The following STS variants were observed in gnomAD, a reference collection of about 807,000 sequenced individuals.
The protein encoded by STS is steryl-sulfatase.
In STS, 7 loss-of-function variants were observed where a neutral mutation model predicts 26.8. The observed-to-expected ratio is 0.26, with a 90% CI of 0.15 to 0.49. The LOEUF is 0.49. Ranked by LOEUF, STS falls within the 20% of genes least tolerant of loss-of-function variation. The pLI is 0.98. For synonymous variants in STS, 199 were observed against 189.4 expected, an observed-to-expected ratio of 1.05 and a Z score of -0.42; for missense variants, 434 against 465.6, an observed-to-expected ratio of 0.93 and a Z score of 0.63.
chrX:7,173,246 A>ATGTCCCT (rs1933502025), intron 1 of STS, among the ~76,000 whole-genome samples: 1 of 111,520 alleles, frequency 9.0e-6, no homozygotes, highest in South Asian at 3.8e-4. Context: ...ACTCTCATCC[A>ATGTCCCT]TGTCCCTGCA....
chrX:7,295,562 A>G (rs1194736400), intron 7 of STS, among the ~76,000 whole-genome samples: 1 of 111,253 alleles, frequency 9.0e-6, no homozygotes, highest in Non-Finnish European at 1.9e-5. Flanking sequence ...AAAACTAAGC[A>G]GATATTTGCA....
At chrX:7,211,818 C>A (rs1171220871) in intron 2 of STS, among the ~76,000 whole-genome samples, 1 of 111,817 alleles carries the variant, frequency 8.9e-6, no homozygotes, top group Non-Finnish European at 1.9e-5. Flanking sequence ...GCCTATCTTT[C>A]TTTATTTTTT....
rs957111882 is a variant in STS, at chrX:7,148,100, G to T, written c.-134+17G>T. 8.8e-6 allele frequency: 10 copies of T among 1,131,077 alleles called. No homozygotes were observed. The African/African-American group carries it at 1.7e-4, about 19-fold the overall frequency. The allele number at this position is 1,131,077 out of a possible 1,213,427, so 93.2% of individuals were successfully genotyped here. A position where few individuals can be genotyped will look rare whatever the true frequency, so the allele number is the denominator to read the frequency against. ...AAAGATGAGGTGGGTGACGGGCTGCGGGGGCGCCGCCATGGTGGCGCCTTC... is the reference window on the plus strand; with the variant it reads ...AAAGATGAGGTGGGTGACGGGCTGCTGGGGCGCCGCCATGGTGGCGCCTTC... On this transcript the variant is annotated intron_variant, in intron 1 of 10. Transcript: ENST00000674429.
intron 2 of STS, among the ~76,000 whole-genome samples, chrX:7,194,414 C>G (rs1364437102): frequency 1.8e-5 from 2 of 111,684 alleles, no homozygotes; most frequent in Non-Finnish European, 3.8e-5. Flanking sequence ...TGACCACCAG[C>G]TACATGACTC....
At chrX:7,306,872 A>T (rs1926241207) in intron 8 of STS, among the ~76,000 whole-genome samples, 1 of 112,136 alleles carries the variant, frequency 8.9e-6, no homozygotes, top group Admixed American at 9.4e-5. Context: ...AACTGCAAGG[A>T]GCTCAGTAAG....
At chrX:7,279,446 G>A (rs1924749719) in intron 7 of STS, among the ~76,000 whole-genome samples, 1 of 99,888 alleles carries the variant, frequency 1.0e-5, no homozygotes, top group South Asian at 5.0e-4. Context: ...TGTGTATGAT[G>A]GGGGCTTGGA....
chrX:7,328,013 T>C (rs1426729705), intron 9 of STS, among the ~76,000 whole-genome samples: 2 of 111,913 alleles, frequency 1.8e-5, no homozygotes, highest in Non-Finnish European at 3.8e-5. Context: ...CAAACTATTC[T>C]TTTTTAACAC....
At chrX:7,322,574 T>C (rs753303383) in intron 8 of STS, among the ~76,000 whole-genome samples, 7 of 111,967 alleles carry the variant, frequency 6.3e-5, no homozygotes, top group South Asian at 3.8e-4. Flanking sequence ...CTAATTTTTG[T>C]ATTTTTAGTA....
At chrX:7,215,643 G>A (rs777429245) in intron 2 of STS, among the ~76,000 whole-genome samples, 1 of 111,353 alleles carries the variant, frequency 9.0e-6, no homozygotes, top group Non-Finnish European at 1.9e-5. Flanking sequence ...TGCCTTTTCT[G>A]TTGTCCTGGT....
chrX:7,199,606 T>C (rs1934032073), intron 2 of STS, among the ~76,000 whole-genome samples: 1 of 111,568 alleles, frequency 9.0e-6, no homozygotes, highest in African/African-American at 3.3e-5. Flanking sequence ...CTTTGCTGTA[T>C]GTTTGTGTGA....
intron 8 of STS, 149 bp from the exon 9 acceptor site, chrX:7,325,190 A>G (rs1239139787): frequency 3.4e-6 from 2 of 587,424 alleles, no homozygotes; most frequent in Non-Finnish European, 5.6e-6. Flanking sequence ...TACAACATAT[A>G]CTATATTGCT....
intron 2 of STS, among the ~76,000 whole-genome samples, chrX:7,228,667 C>T (rs1458710032): frequency 2.7e-5 from 3 of 112,023 alleles, no homozygotes; most frequent in Admixed American, 9.5e-5. Context: ...TCTCCCCTTC[C>T]ATAGGTTGCC....
chrX:7,254,289 C>T (rs1569202553), intron 3 of STS, among the ~76,000 whole-genome samples: 2 of 112,197 alleles, frequency 1.8e-5, no homozygotes, highest in Non-Finnish European at 3.8e-5. Flanking sequence ...GTCTGAACAT[C>T]CTCCCAGAAG....
At chrX:7,271,293 C>T (rs1366372872) in intron 6 of STS, among the ~76,000 whole-genome samples, 1 of 111,602 alleles carries the variant, frequency 9.0e-6, no homozygotes, top group African/African-American at 3.3e-5. Context: ...TATTTAGGAA[C>T]ACAAAGACTG....
At chrX:7,235,900 G>A (rs1364698584) in intron 2 of STS, among the ~76,000 whole-genome samples, 1 of 111,954 alleles carries the variant, frequency 8.9e-6, no homozygotes, top group Non-Finnish European at 1.9e-5. Flanking sequence ...CTTTTACCTT[G>A]TTTTATACAT....
At chrX:7,208,261 G>A (rs1286703965) in intron 2 of STS, among the ~76,000 whole-genome samples, 1 of 111,803 alleles carries the variant, frequency 8.9e-6, no homozygotes, top group African/African-American at 3.2e-5. Context: ...AAAGAAAAGA[G>A]ATATGCTTAT....
chrX:7,353,410 A>T lies in STS; in HGVS notation c.*3149A>T. 1 of 111,011 alleles carries T rather than the reference A, an allele frequency of 9.0e-6. No homozygotes were observed. The highest frequency in any genetic ancestry group is 1.9e-5 in the Non-Finnish European group (1 of 53,051). 9.1% of individuals were successfully genotyped at this position (111,011 alleles called of 1,213,427 possible). ...GAAAATCATATTGGTATTTGCACCA[A>T]CATAGTCATAAAATAGTATGTTAAT... On this transcript the variant is annotated 3_prime_UTR_variant, in exon 11 of 11. Coordinates refer to ENST00000674429, the MANE Select transcript of STS (RefSeq NM_001320752.2).
At chrX:7,210,765 G>A (rs1376427173) in intron 2 of STS, among the ~76,000 whole-genome samples, 1 of 109,140 alleles carries the variant, frequency 9.2e-6, no homozygotes, top group Non-Finnish European at 1.9e-5. Flanking sequence ...GGTAAAATAT[G>A]CAAATAAATT....
chrX:7,170,888 A>T (rs766528557), intron 1 of STS, among the ~76,000 whole-genome samples: 1 of 111,820 alleles, frequency 8.9e-6, no homozygotes, highest in Non-Finnish European at 1.9e-5. Flanking sequence ...TGATAACTCC[A>T]ATGGATCTAA....
Sources: allele counts gnomAD v4.1 joint callset (sites outside exome capture counted in the v4.1 genomes callset), GRCh38; gene constraint gnomAD v4.1.1; transcripts MANE v1.5; gene names NCBI Gene and HGNC (gene_info 2026-07-23, HGNC 2026-07-21).